The following ERMP1 variants were observed in gnomAD, a reference collection of about 807,000 sequenced individuals.
The protein encoded by ERMP1 is Felix-ina.
ERMP1 carries 86 observed loss-of-function variants against 92.0 expected under a neutral mutation model. The observed-to-expected ratio is 0.93, with a 90% CI of 0.79 to 1.12. ERMP1 has a LOEUF of 1.12. ERMP1 is among the 50% of genes most tolerant of loss of function. The pLI is 0.00. For missense variants in ERMP1, 1,342 were observed against 1,116.3 expected, an observed-to-expected ratio of 1.20 and a Z score of -2.88; for synonymous variants, 530 against 412.8, an observed-to-expected ratio of 1.28 and a Z score of -3.44.
At chr9:5,816,063 G>A (rs1470272868) in intron 4 of ERMP1, among the ~76,000 whole-genome samples, 5 of 152,046 alleles carry the variant, frequency 3.3e-5, no homozygotes, top group African/African-American at 1.2e-4. Context: ...TAGATGGGAG[G>A]GAGTTGTATT....
rs1828556006 is a variant in ERMP1, at chr9:5,798,896, G to C, written c.2180C>G (p.Pro727Arg). ...AGCTCGGATACTATCATTGATCTCAGGAATGTGAGGGGTTATGTGAGAAAT... is the reference window on the plus strand; with the variant it reads ...AGCTCGGATACTATCATTGATCTCACGAATGTGAGGGGTTATGTGAGAAAT... Reference protein sequence around the residue: ...TGISHITPHIPEINDSIRAHC... With the variant: ...TGISHITPHIREINDSIRAHC... The change falls in exon 12 of 15, where the codon CCT (proline) becomes CGT (arginine). Residue 727 changes from proline to arginine, a missense_variant. Transcript: ENST00000339450. The C allele has an allele frequency of 1.2e-6, 2 of 1,612,850 alleles. No homozygotes were observed. The highest frequency in any genetic ancestry group is 1.7e-6 in the Non-Finnish European group (2 of 1,178,914).
intron 6 of ERMP1, among the ~76,000 whole-genome samples, chr9:5,838,433 T>A (rs1830118985): frequency 6.6e-6 from 1 of 151,820 alleles, no homozygotes; most frequent in Non-Finnish European, 1.5e-5. Context: ...TACTCCCGTC[T>A]ACTAGGGAGA....
chr9:5,828,006 A>G (rs1000198080), intron 2 of ERMP1, among the ~76,000 whole-genome samples: 9 of 150,120 alleles, frequency 6.0e-5, no homozygotes, highest in African/African-American at 2.2e-4. Context: ...GAATGAATGA[A>G]TGAATGTACG....
chr9:5,805,228 A>G lies in ERMP1; in HGVS notation c.1724-11T>C. ...ATTTTCCTTGGGCACCTAGGGAAAAAGAGAAAAAAAGCACACATCTATGAA... is the reference window on the plus strand; with the variant it reads ...ATTTTCCTTGGGCACCTAGGGAAAAGGAGAAAAAAAGCACACATCTATGAA... On this transcript the variant is annotated splice_polypyrimidine_tract_variant and intron_variant, in intron 9 of 14. Transcript: ENST00000339450. The G allele has an allele frequency of 1.9e-6, 3 of 1,590,906 alleles. No homozygotes were observed. The highest frequency in any genetic ancestry group is 1.1e-5 in the South Asian group (1 of 88,674).
At chr9:5,865,019 T>C (rs1292279652) in intron 5 of ERMP1, among the ~76,000 whole-genome samples, 1 of 152,240 alleles carries the variant, frequency 6.6e-6, no homozygotes, top group African/African-American at 2.4e-5. Context: ...TTTATGAAGA[T>C]GTTTTTTGCA....
intron 2 of ERMP1, among the ~76,000 whole-genome samples, chr9:5,830,202 T>A (rs893763269): frequency 6.6e-6 from 1 of 152,132 alleles, no homozygotes; most frequent in African/African-American, 2.4e-5. Context: ...TTTTTTTTTT[T>A]AAGCTCATCA....
At chr9:5,840,806 C>G (rs764629221) in intron 6 of ERMP1, among the ~76,000 whole-genome samples, 1 of 152,190 alleles carries the variant, frequency 6.6e-6, no homozygotes, top group Admixed American at 6.5e-5. Flanking sequence ...GTGGTTGGAA[C>G]CTTCATTTGC....
Position 5,861,170 on chromosome 9 carries a change from G to GGTGTGTGTGT in ERMP1, n.3056-1569_3056-1560dup, listed in dbSNP as rs35593711. Among the ~76,000 whole-genome samples the GGTGTGTGTGT allele has an allele frequency of 8.7e-3, 891 of 102,038 alleles. 16 individuals carry two copies. The highest frequency in any genetic ancestry group is 0.013 in the Middle Eastern group (3 of 232). The allele number at this position is 102,038 out of a possible 152,430, so 66.9% of individuals were successfully genotyped here. On this transcript the variant is annotated intron_variant and non_coding_transcript_variant, in intron 5 of 6. Transcript: ENST00000690753. ...GCAGTGAACCCACAATGGCTTAGGG[G>GGTGTGTGTGT]GTGTGTGTGTGTGTGTGTGTGTGTG...
chr9:5,809,007 C>T (rs1216689026), intron 8 of ERMP1, among the ~76,000 whole-genome samples: 3 of 152,150 alleles, frequency 2.0e-5, no homozygotes, highest in Non-Finnish European at 4.4e-5. Flanking sequence ...GCATGAGCCA[C>T]AGCACCCAGC....
In ERMP1 at chr9:5,830,809, A is replaced by G. The variant is rs200166419; in HGVS notation, c.558T>C (p.Val186=). ...CATCTCTGGGTTCCAGCTTTACCAC[A>G]ACATTGGTGATGTTGTCATAATAGC... is the stretch of plus-strand genomic sequence containing the variant. ...FTSYYDNITN[V]VVKLEPRDGA... Residue 186 remains valine (V), a synonymous_variant, in exon 2 of 15, where the codon GTT becomes GTC. Coordinates refer to ENST00000339450, the MANE Select transcript of ERMP1 (RefSeq NM_024896.3). 4 of 1,614,158 alleles carry G rather than the reference A, an allele frequency of 2.5e-6. No individual in the cohort carries two copies. The highest frequency in any genetic ancestry group is 1.7e-5 in the Admixed American group (1 of 60,022).
At position 5,785,283 on chromosome 9, in the gene ERMP1, A is replaced by C. The variant is rs933707892; in HGVS notation, c.*1861T>G. The C allele has an allele frequency of 3.3e-5, 5 of 152,250 alleles. No homozygotes were observed. Among genetic ancestry groups the C allele is most frequent in the African/African-American group, 1.2e-4 (5 of 41,464 alleles). 9.4% of individuals were successfully genotyped at this position (152,250 alleles called of 1,614,324 possible). ...TAGAGGGGGGGAATTCACAGGGAAC[A>C]CTAATTATATCAGATGAACCACGGG... On this transcript the variant is annotated 3_prime_UTR_variant, in exon 15 of 15. Transcript: ENST00000339450.
At chr9:5,829,539 G>T (rs570882880) in intron 2 of ERMP1, among the ~76,000 whole-genome samples, 11 of 152,092 alleles carry the variant, frequency 7.2e-5, no homozygotes, top group African/African-American at 2.7e-4. Context: ...CTATTTTAGC[G>T]TTTTACTTAT....
chr9:5,833,772 G>A (rs1586830894), upstream of ERMP1, among the ~76,000 whole-genome samples: 1 of 152,084 alleles, frequency 6.6e-6, no homozygotes, highest in African/African-American at 2.4e-5. Flanking sequence ...AATTTCATGG[G>A]CTCCCAAAAC....
At chr9:5,816,746 T>G (rs1270062431) in intron 4 of ERMP1, among the ~76,000 whole-genome samples, 1 of 152,172 alleles carries the variant, frequency 6.6e-6, no homozygotes, top group Non-Finnish European at 1.5e-5. Context: ...GTTGTAGAAT[T>G]GACTAGTGTT....
intron 6 of ERMP1, among the ~76,000 whole-genome samples, chr9:5,856,948 G>A (rs1830381094): frequency 1.3e-5 from 2 of 152,068 alleles, no homozygotes; most frequent in South Asian, 4.2e-4. Context: ...CAGTCTTGGG[G>A]GCCATTTTAA....
At chr9:5,805,974 G>A (rs1331502851) in intron 8 of ERMP1, among the ~76,000 whole-genome samples, 189 bp from the exon 9 acceptor site, 1 of 152,210 alleles carries the variant, frequency 6.6e-6, no homozygotes, top group East Asian at 1.9e-4. Flanking sequence ...AAATTCAAAT[G>A]TAGCACAAGA....
At chr9:5,788,800 C>T (rs1359795425) in intron 13 of ERMP1, among the ~76,000 whole-genome samples, 3 of 152,006 alleles carry the variant, frequency 2.0e-5, no homozygotes, top group Admixed American at 6.6e-5. Context: ...TAAAACCCCA[C>T]CATGAATCAG....
In ERMP1 at chr9:5,797,792, G is replaced by C. The variant is rs1383811214; in HGVS notation, c.2386+25C>G. 5 of 1,374,220 alleles carry C rather than the reference G, an allele frequency of 3.6e-6. No individual in the cohort carries two copies. The Admixed American group carries it at 6.0e-5, about 16-fold the overall frequency. The allele number at this position is 1,374,220 out of a possible 1,614,324, so 85.1% of individuals were successfully genotyped here. On this transcript the variant is annotated intron_variant, in intron 13 of 14. Transcript: ENST00000339450. ...AACAAGTTTAAGAAATAAAGGAGGG[G>C]AGAAAAAACTATTATATGACTTACC...
intron 12 of ERMP1, 58 bp from the exon 13 acceptor site, chr9:5,797,990 A>C: frequency 9.8e-7 from 1 of 1,024,646 alleles, no homozygotes; most frequent in African/African-American, 1.6e-5. Context: ...GCTATCTGTA[A>C]CTCACAGAAC....
Sources: gnomAD v4.1 joint callset for allele counts (sites outside exome capture counted in the v4.1 genomes callset) on GRCh38, gnomAD v4.1.1 for gene constraint, MANE v1.5 for transcripts, NCBI Gene and HGNC (gene_info 2026-07-23, HGNC 2026-07-21) for gene names.